The following DDX10 variants were observed in gnomAD, a reference collection of about 807,000 sequenced individuals.
DDX10 encodes DEAD-box helicase 10, also known as probable ATP-dependent RNA helicase DDX10.
A neutral mutation model predicts 104.3 loss-of-function variants in DDX10; 74 were observed. The ratio of observed to expected loss-of-function variants is 0.71; its 90% CI spans 0.59 to 0.86. The LOEUF (loss-of-function observed/expected upper bound fraction) is 0.86, where lower values mean the gene tolerates loss of function less well. Among genes scored for constraint, DDX10 ranks in the 40% least tolerant of loss-of-function variants. The pLI is 0.00. For missense variants in DDX10, 952 were observed against 1,040.0 expected (o/e 0.92, Z 1.16); for synonymous variants, 351 against 353.4 (o/e 0.99, Z 0.08).
intron 13 of DDX10, among the ~76,000 whole-genome samples, chr11:108,778,918 C>T (rs1361829419): frequency 6.6e-6 from 1 of 152,108 alleles, no homozygotes; most frequent in Non-Finnish European, 1.5e-5. Flanking sequence ...TTTATGCAGC[C>T]AACAGACACA....
Position 108,834,095 on chromosome 11 carries a change from A to G in DDX10, c.1966-4351A>G, listed in dbSNP as rs549025829. Among the ~76,000 whole-genome samples, 5 of 150,590 alleles carry G rather than the reference A, an allele frequency of 3.3e-5. No individual in the cohort carries two copies. The South Asian group carries it at 1.1e-3, about 32-fold the overall frequency. ...CTCAGCCTCTTGAGTAGCTAAGACTACAGGCCTGTGCCACCAAGCCTGGCT... is the reference window on the plus strand; with the variant it reads ...CTCAGCCTCTTGAGTAGCTAAGACTGCAGGCCTGTGCCACCAAGCCTGGCT... On this transcript the variant is annotated intron_variant, in intron 13 of 17. Transcript: ENST00000322536.
chr11:108,908,097 A>G (rs547252849), intron 16 of DDX10, among the ~76,000 whole-genome samples: 19 of 152,282 alleles, frequency 1.2e-4, no homozygotes, highest in African/African-American at 4.3e-4. Flanking sequence ...TGTGTTCATA[A>G]TTCAGAAAAA....
chr11:108,736,781 T>C (rs1368284164), intron 13 of DDX10, among the ~76,000 whole-genome samples: 1 of 152,210 alleles, frequency 6.6e-6, no homozygotes, highest in Non-Finnish European at 1.5e-5. Context: ...GGTCTTGGAC[T>C]TCCCAGCCTC....
At chr11:108,678,530 A>C (rs1231861656) in intron 5 of DDX10, 95 bp downstream of exon 5, 1 of 1,262,250 alleles carries the variant, frequency 7.9e-7, no homozygotes. Flanking sequence ...TATGTTAGAT[A>C]AATGTTATGA....
At chr11:108,746,141 G>T (rs537702281) in intron 13 of DDX10, among the ~76,000 whole-genome samples, 5 of 151,924 alleles carry the variant, frequency 3.3e-5, no homozygotes, top group African/African-American at 1.2e-4. Context: ...TATTCTAGAC[G>T]TAAGTAAATA....
chr11:108,756,825 C>G (rs2094344958), intron 13 of DDX10, among the ~76,000 whole-genome samples: 1 of 152,134 alleles, frequency 6.6e-6, no homozygotes, highest in Non-Finnish European at 1.5e-5. Flanking sequence ...GAATAAAATA[C>G]AGTTCTTACG....
chr11:108,705,490 T>C (rs2134460533), intron 9 of DDX10, among the ~76,000 whole-genome samples: 1 of 152,362 alleles, frequency 6.6e-6, no homozygotes, highest in Non-Finnish European at 1.5e-5. Context: ...GGTTGTCCTT[T>C]AGCACCTACT....
chr11:108,688,915 T>C (rs1444316813), intron 6 of DDX10, 21 bp from the exon 7 acceptor site: 1 of 1,606,438 alleles, frequency 6.2e-7, no homozygotes, highest in Non-Finnish European at 8.5e-7. Flanking sequence ...CTAATGTTTT[T>C]CTTTTCCGTA....
chr11:108,774,057 A>G (rs2094366741), intron 13 of DDX10, among the ~76,000 whole-genome samples: 1 of 152,256 alleles, frequency 6.6e-6, no homozygotes, highest in African/African-American at 2.4e-5. Context: ...ACTTCAACAA[A>G]AAAAGCAAAT....
chr11:108,880,454 G>T (rs765853467), intron 16 of DDX10, among the ~76,000 whole-genome samples: 9 of 152,168 alleles, frequency 5.9e-5, no homozygotes, highest in Non-Finnish European at 1.0e-4. Context: ...TTATGTGTTG[G>T]ATATGTAAAA....
intron 16 of DDX10, among the ~76,000 whole-genome samples, chr11:108,873,473 G>A (rs1021581288): frequency 6.6e-6 from 1 of 152,082 alleles, no homozygotes; most frequent in Non-Finnish European, 1.5e-5. Flanking sequence ...TATTATATGA[G>A]TAAGCCATTA....
At chr11:108,735,993 T>C (rs771839824) in intron 13 of DDX10, among the ~76,000 whole-genome samples, 1 of 152,150 alleles carries the variant, frequency 6.6e-6, no homozygotes, top group Non-Finnish European at 1.5e-5. Flanking sequence ...CATACAGATT[T>C]CATGATGATT....
chr11:108,845,398 T>G (rs1391635173), intron 15 of DDX10, among the ~76,000 whole-genome samples: 2 of 152,372 alleles, frequency 1.3e-5, no homozygotes, highest in East Asian at 3.8e-4. Flanking sequence ...CTGAGTATAC[T>G]ACTACTATAA....
intron 10 of DDX10, 114 bp from the exon 11 acceptor site, chr11:108,715,765 T>G: frequency 4.8e-6 from 3 of 623,624 alleles, no homozygotes; most frequent in East Asian, 2.8e-5. Flanking sequence ...GATTCATAGA[T>G]GAGAAATAGT....
intron 16 of DDX10, among the ~76,000 whole-genome samples, chr11:108,917,497 G>GCTCAAGCAATTCCCTTGC (rs1236362413): frequency 2.0e-5 from 3 of 152,082 alleles, no homozygotes; most frequent in African/African-American, 4.8e-5. Flanking sequence ...AAACTCCTGG[G>GCTCAAGCAATTCCCTTGC]CTCAAGCAAT....
chr11:108,723,418 C>T lies in DDX10; in HGVS notation c.1921C>T (p.His641Tyr), dbSNP rs766809201. Reference sequence around the variant, plus strand: ...TGCTGATTTCTTGAAGGTGAAGCGGCATAATGTGTTTGGATTGGACCTTAA... The same window carrying T: ...TGCTGATTTCTTGAAGGTGAAGCGGTATAATGTGTTTGGATTGGACCTTAA... ...EDADFLKVKRHNVFGLDLKDE... is the reference protein window; with the variant it reads ...EDADFLKVKRYNVFGLDLKDE... The change falls in exon 13 of 18, where the codon CAT becomes TAT. Residue 641 changes from histidine to tyrosine, a missense_variant. Coordinates refer to ENST00000322536, the MANE Select transcript of DDX10 (RefSeq NM_004398.4). The T allele has an allele frequency of 6.8e-6, 11 of 1,613,646 alleles. No individual in the cohort carries two copies. The highest frequency in any genetic ancestry group is 6.6e-5 in the South Asian group (6 of 91,014).
intron 10 of DDX10, among the ~76,000 whole-genome samples, chr11:108,709,235 G>A (rs1251126723): frequency 6.6e-6 from 1 of 152,100 alleles, no homozygotes; most frequent in African/African-American, 2.4e-5. Flanking sequence ...TTTTGTATTT[G>A]TTGAGGACTT....
chr11:108,937,027 T>A (rs1864044982), intron 17 of DDX10, among the ~76,000 whole-genome samples: 2 of 152,182 alleles, frequency 1.3e-5, no homozygotes, highest in South Asian at 4.1e-4. Flanking sequence ...TAATTGGCGC[T>A]TTTCCAATTC....
rs958462971 is a variant in DDX10, at chr11:108,933,053, G to T, written c.2451-7193G>T. Among the ~76,000 whole-genome samples the T allele has an allele frequency of 2.6e-5, 4 of 151,930 alleles. No individual in the cohort carries two copies. In the South Asian group the frequency reaches 8.3e-4, roughly 31 times the overall value. ...CTTACTAAAGAAGGGTAAGTCAAAC[G>T]TTATTCAAGGGGTAGGGGCCACTGC... On this transcript the variant is annotated intron_variant, in intron 17 of 17. Coordinates refer to ENST00000322536, the MANE Select transcript of DDX10 (RefSeq NM_004398.4).
Sources: gnomAD v4.1 joint callset for allele counts (sites outside exome capture counted in the v4.1 genomes callset) on GRCh38, gnomAD v4.1.1 for gene constraint, MANE v1.5 for transcripts, NCBI Gene and HGNC (gene_info 2026-07-23, HGNC 2026-07-21) for gene names.